Variants in NEGR1 observed in about 807,000 individuals in gnomAD.
NEGR1 encodes the protein neuronal growth regulator 1.
Under a neutral mutation model 40.9 loss-of-function variants are expected in NEGR1, and 10 were observed. The ratio of observed to expected loss-of-function variants is 0.24; its 90% CI spans 0.15 to 0.42. The LOEUF (loss-of-function observed/expected upper bound fraction) is 0.42, where lower values mean the gene tolerates loss of function less well. Ranked by LOEUF, NEGR1 falls within the 10% of genes least tolerant of loss-of-function variation. The probability of loss-of-function intolerance (pLI) is 1.00; values close to 1 mark genes in which losing one functional copy is unlikely to be tolerated. For synonymous variants in NEGR1, 185 were observed against 166.8 expected, an observed-to-expected ratio of 1.11 and a Z score of -0.84; for missense variants, 352 against 438.9, an observed-to-expected ratio of 0.80 and a Z score of 1.77.
intron 6 of NEGR1, among the ~76,000 whole-genome samples, chr1:71,421,951 G>A (rs1469992604): frequency 6.6e-6 from 1 of 151,038 alleles, no homozygotes; most frequent in African/African-American, 2.4e-5. Context: ...GATATAAGAA[G>A]GATATAATAA....
At chr1:71,640,101 G>A (rs779495159) in intron 4 of NEGR1, among the ~76,000 whole-genome samples, 6 of 152,012 alleles carry the variant, frequency 3.9e-5, no homozygotes, top group South Asian at 4.1e-4. Context: ...CTAAGAACTA[G>A]TAATATTTGC....
At chr1:71,687,902 C>A (rs1006834319) in intron 4 of NEGR1, among the ~76,000 whole-genome samples, 3 of 152,062 alleles carry the variant, frequency 2.0e-5, no homozygotes, top group African/African-American at 7.2e-5. Context: ...TCCATGAATT[C>A]CATGAATTAA....
intron 4 of NEGR1, among the ~76,000 whole-genome samples, chr1:71,651,867 G>A (rs1343841401): frequency 1.3e-5 from 2 of 152,018 alleles, no homozygotes; most frequent in Non-Finnish European, 2.9e-5. Context: ...TAAGGTGCCA[G>A]TATTACTTTT....
intron 6 of NEGR1, among the ~76,000 whole-genome samples, chr1:71,590,490 C>G (rs1570074317): frequency 6.6e-6 from 1 of 151,986 alleles, no homozygotes; most frequent in Non-Finnish European, 1.5e-5. Context: ...CCTACTCACC[C>G]TTTTCTTTCC....
chr1:71,744,372 T>TAAG (rs1299861216), intron 3 of NEGR1, among the ~76,000 whole-genome samples: 3 of 147,042 alleles, frequency 2.0e-5, no homozygotes, highest in Non-Finnish European at 4.5e-5. Context: ...ATAATAATAA[T>TAAG]AATAAGCCAG....
chr1:71,767,290 A>T (rs1656166378), intron 3 of NEGR1, among the ~76,000 whole-genome samples: 1 of 152,140 alleles, frequency 6.6e-6, no homozygotes, highest in African/African-American at 2.4e-5. Flanking sequence ...ATCCAGGCTG[A>T]TGGGGTCTCA....
At chr1:71,723,669 C>A (rs113338832) in intron 3 of NEGR1, among the ~76,000 whole-genome samples, 3 of 151,960 alleles carry the variant, frequency 2.0e-5, no homozygotes, top group Non-Finnish European at 4.4e-5. Flanking sequence ...TCACTTGTAT[C>A]GTTTATAATA....
rs552623214 is a variant in NEGR1, at chr1:71,728,852, T to G, written c.536-30713A>C. ...TCAAAAGTTATTCTTTCTGTAGTGA[T>G]AGTCCACCTGGGAGGGAAATTTGAT... is the stretch of plus-strand genomic sequence containing the variant. On this transcript the variant is annotated intron_variant, in intron 3 of 6. Coordinates refer to ENST00000357731, the MANE Select transcript of NEGR1 (RefSeq NM_173808.3). 2.0e-5 allele frequency among the ~76,000 whole-genome samples: 3 copies of G among 152,258 alleles called. No individual in the cohort carries two copies. In the South Asian group the frequency reaches 6.2e-4, roughly 32 times the overall value.
chr1:71,539,888 C>A (rs761870045), intron 6 of NEGR1, among the ~76,000 whole-genome samples: 1 of 151,690 alleles, frequency 6.6e-6, no homozygotes, highest in African/African-American at 2.4e-5. Context: ...AATAAAATAA[C>A]TTTATACTTA....
At chr1:71,992,138 T>C (rs1336270664) in intron 1 of NEGR1, among the ~76,000 whole-genome samples, 1 of 152,090 alleles carries the variant, frequency 6.6e-6, no homozygotes. Flanking sequence ...CTACTACCAA[T>C]ATAGATGATT....
At chr1:71,972,490 TA>T (rs984828732) in intron 1 of NEGR1, among the ~76,000 whole-genome samples, 4 of 152,212 alleles carry the variant, frequency 2.6e-5, no homozygotes, top group African/African-American at 9.6e-5. Context: ...TATATTACCT[TA>T]GGAAGAACTT....
chr1:72,067,596 A>G (rs1647307716), intron 1 of NEGR1, among the ~76,000 whole-genome samples: 1 of 152,140 alleles, frequency 6.6e-6, no homozygotes, highest in African/African-American at 2.4e-5. Context: ...TTTTACACTG[A>G]GTAACTTTCC....
Position 72,073,026 on chromosome 1 carries a change from T to C in NEGR1, c.177-137715A>G, listed in dbSNP as rs190341566. Among the ~76,000 whole-genome samples the C allele has an allele frequency of 2.8e-3, 423 of 152,252 alleles. 11 individuals are homozygous for C. Among genetic ancestry groups the C allele is most frequent in the Admixed American group, 0.023 (354 of 15,260 alleles). ...GATAGAGATTTGTATATAGGACATT[T>C]ATTGGGGAATGCTCCTGGCATTAAA... is the stretch of plus-strand genomic sequence containing the variant. On this transcript the variant is annotated intron_variant, in intron 1 of 6. Coordinates refer to ENST00000357731, the MANE Select transcript of NEGR1 (RefSeq NM_173808.3).
intron 1 of NEGR1, among the ~76,000 whole-genome samples, chr1:72,101,228 C>A (rs1331025109): frequency 1.3e-5 from 2 of 152,058 alleles, no homozygotes; most frequent in African/African-American, 4.8e-5. Flanking sequence ...GTGTAGTTTT[C>A]TAACAAAATC....
chr1:71,642,568 C>G (rs1304581796), intron 4 of NEGR1, among the ~76,000 whole-genome samples: 1 of 151,488 alleles, frequency 6.6e-6, no homozygotes, highest in Admixed American at 6.6e-5. Context: ...CTCTATTTAC[C>G]AAGGAACCCA....
At chr1:71,722,815 C>T (rs1035099280) in intron 3 of NEGR1, among the ~76,000 whole-genome samples, 5 of 151,992 alleles carry the variant, frequency 3.3e-5, no homozygotes, top group African/African-American at 1.2e-4. Flanking sequence ...CATAGGAATA[C>T]ACCCATTGAA....
At chr1:71,699,669 G>A (rs1001229302) in intron 3 of NEGR1, among the ~76,000 whole-genome samples, 1 of 151,738 alleles carries the variant, frequency 6.6e-6, no homozygotes, top group Non-Finnish European at 1.5e-5. Context: ...ACTACATCAG[G>A]TACTGATGTG....
At chr1:71,873,118 CA>C (rs34592789) in intron 2 of NEGR1, among the ~76,000 whole-genome samples, 329 of 81,832 alleles carry the variant, frequency 4.0e-3, no homozygotes, top group Middle Eastern at 9.3e-3. Context: ...AAAGATGTAG[CA>C]AAAAAAAAAA....
intron 6 of NEGR1, among the ~76,000 whole-genome samples, chr1:71,490,800 C>T (rs1466945864): frequency 1.3e-5 from 2 of 152,014 alleles, no homozygotes; most frequent in African/African-American, 2.4e-5. Flanking sequence ...GGGATTTTAA[C>T]GGCTGTTCAC....
Sources: gnomAD v4.1 joint callset for allele counts (sites outside exome capture counted in the v4.1 genomes callset) on GRCh38, gnomAD v4.1.1 for gene constraint, MANE v1.5 for transcripts, NCBI Gene and HGNC (gene_info 2026-07-23, HGNC 2026-07-21) for gene names.